GRM8: variants seen among roughly 807,000 people sequenced by gnomAD.
GRM8 encodes glutamate metabotropic receptor 8, also known as metabotropic glutamate receptor 8.
A neutral mutation model predicts 87.2 loss-of-function variants in GRM8; 47 were observed. That is an observed-to-expected ratio of 0.54 (90% CI 0.43 to 0.69). The LOEUF (loss-of-function observed/expected upper bound fraction) is 0.69. Among genes scored for constraint, GRM8 ranks in the 30% least tolerant of loss-of-function variants. The pLI is 0.00. For missense variants in GRM8, 1,019 were observed against 1,139.2 expected, an observed-to-expected ratio of 0.89 and a Z score of 1.52; for synonymous variants, 396 against 404.5, an observed-to-expected ratio of 0.98 and a Z score of 0.25.
chr7:126,488,928 T>G (rs774819780), intron 9 of GRM8, among the ~76,000 whole-genome samples: 42 of 151,834 alleles, frequency 2.8e-4, no homozygotes, highest in Non-Finnish European at 5.2e-4. Flanking sequence ...TATTATAAAT[T>G]ATGTTATCAT....
intron 2 of GRM8, among the ~76,000 whole-genome samples, chr7:127,177,068 T>C (rs917122769): frequency 6.6e-6 from 1 of 152,172 alleles, no homozygotes; most frequent in African/African-American, 2.4e-5. Flanking sequence ...AACCAAGCCC[T>C]TTTCTTTCGC....
chr7:126,574,704 C>G (rs958139787), intron 8 of GRM8, among the ~76,000 whole-genome samples: 1 of 152,196 alleles, frequency 6.6e-6, no homozygotes, highest in East Asian at 1.9e-4. Flanking sequence ...TAACATTCCA[C>G]TTCTTTTTCA....
chr7:126,858,386 T>G (rs1797865122), intron 6 of GRM8, among the ~76,000 whole-genome samples: 1 of 152,170 alleles, frequency 6.6e-6, no homozygotes, highest in Non-Finnish European at 1.5e-5. Flanking sequence ...CCTATAAGCA[T>G]TGGTATGATC....
chr7:126,673,312 T>G, intron 7 of GRM8, among the ~76,000 whole-genome samples: 1 of 152,186 alleles, frequency 6.6e-6, no homozygotes, highest in East Asian at 1.9e-4. Flanking sequence ...CTGTCTTTAG[T>G]TGAACTAAGG....
intron 3 of GRM8, among the ~76,000 whole-genome samples, chr7:126,928,500 C>T (rs903152335): frequency 4.0e-5 from 6 of 151,890 alleles, no homozygotes; most frequent in African/African-American, 7.3e-5. Flanking sequence ...GATGAAACCC[C>T]ATCTCTACAA....
At chr7:127,244,162 A>G (rs1311179487) in intron 1 of GRM8, among the ~76,000 whole-genome samples, 1 of 152,218 alleles carries the variant, frequency 6.6e-6, no homozygotes, top group Admixed American at 6.5e-5. Context: ...TGAAACACAC[A>G]GGTAAGGTGA....
chr7:127,113,391 A>G lies in GRM8; in HGVS notation c.511-6679T>C, dbSNP rs558055579. Among the ~76,000 whole-genome samples, 55 of 152,334 alleles carry G rather than the reference A, an allele frequency of 3.6e-4. 1 individual carries two copies. Among genetic ancestry groups the G allele is most frequent in the Admixed American group, 9.8e-4 (15 of 15,304 alleles). On this transcript the variant is annotated intron_variant, in intron 2 of 10. Transcript: ENST00000339582. ...CAATCTTTCTGCAAGAAACTTGCAT[A>G]CATCTGAGTACAGATTTGCAGACAG...
chr7:126,918,206 T>TA (rs1391653415), intron 3 of GRM8, among the ~76,000 whole-genome samples: 2 of 152,116 alleles, frequency 1.3e-5, no homozygotes, highest in Non-Finnish European at 2.9e-5. Context: ...CAGAGAAGCA[T>TA]AAAAAATAGT....
intron 9 of GRM8, among the ~76,000 whole-genome samples, chr7:126,452,919 G>A (rs1802793253): frequency 6.6e-6 from 1 of 151,594 alleles, no homozygotes; most frequent in African/African-American, 2.4e-5. Flanking sequence ...CAGAGCCTGG[G>A]ATATATTAAT....
At chr7:126,983,977 A>T (rs569143738) in intron 3 of GRM8, among the ~76,000 whole-genome samples, 9 of 152,340 alleles carry the variant, frequency 5.9e-5, no homozygotes, top group East Asian at 5.8e-4. Context: ...CTTTTGCTAA[A>T]AACATGTTTG....
At chr7:126,838,829 C>T (rs892953943) in intron 6 of GRM8, among the ~76,000 whole-genome samples, 1 of 152,082 alleles carries the variant, frequency 6.6e-6, no homozygotes, top group Admixed American at 6.6e-5. Flanking sequence ...GACCACAAAA[C>T]CTAAAAGATT....
chr7:126,680,948 C>T (rs541810599), intron 7 of GRM8, among the ~76,000 whole-genome samples: 75 of 152,218 alleles, frequency 4.9e-4, no homozygotes, highest in African/African-American at 1.6e-3. Context: ...GTATCACTAC[C>T]GCCTTTCCCC....
intron 6 of GRM8, among the ~76,000 whole-genome samples, chr7:126,821,461 T>C (rs1278951000): frequency 6.6e-6 from 1 of 152,184 alleles, no homozygotes; most frequent in Non-Finnish European, 1.5e-5. Context: ...ATTCCATCCA[T>C]AGTATAGTTA....
intron 7 of GRM8, among the ~76,000 whole-genome samples, chr7:126,659,248 A>T (rs958548856): frequency 4.6e-5 from 7 of 152,084 alleles, no homozygotes; most frequent in Admixed American, 3.9e-4. Flanking sequence ...CAATCTCCAA[A>T]ATTGTGAAAT....
At chr7:126,977,003 C>T (rs1364434671) in intron 3 of GRM8, among the ~76,000 whole-genome samples, 1 of 151,608 alleles carries the variant, frequency 6.6e-6, no homozygotes, top group Non-Finnish European at 1.5e-5. Context: ...TTTTTCAATT[C>T]TGTCCATCAC....
At chr7:126,815,107 T>C (rs1023391258) in intron 6 of GRM8, among the ~76,000 whole-genome samples, 1 of 152,102 alleles carries the variant, frequency 6.6e-6, no homozygotes, top group Non-Finnish European at 1.5e-5. Flanking sequence ...TTCAAATAGG[T>C]AAACTCAGCT....
At chr7:126,581,402 A>G (rs1264973822) in intron 8 of GRM8, among the ~76,000 whole-genome samples, 1 of 152,064 alleles carries the variant, frequency 6.6e-6, no homozygotes, top group East Asian at 1.9e-4. Context: ...GCAGATGCAA[A>G]ACTTCATCTC....
At chr7:126,604,694 T>C (rs929834660) in intron 8 of GRM8, among the ~76,000 whole-genome samples, 2 of 152,158 alleles carry the variant, frequency 1.3e-5, no homozygotes, top group Non-Finnish European at 2.9e-5. Flanking sequence ...TGTTTGACTT[T>C]GAGATCTTTT....
intron 9 of GRM8, among the ~76,000 whole-genome samples, chr7:126,478,578 T>A (rs1806279432): frequency 6.6e-6 from 1 of 152,124 alleles, no homozygotes; most frequent in African/African-American, 2.4e-5. Flanking sequence ...AAAGCAATAT[T>A]TTGCATACTG....
Sources: gnomAD v4.1 joint callset for allele counts (sites outside exome capture counted in the v4.1 genomes callset) on GRCh38, gnomAD v4.1.1 for gene constraint, MANE v1.5 for transcripts, NCBI Gene and HGNC (gene_info 2026-07-23, HGNC 2026-07-21) for gene names.